The following RASEF variants were observed in gnomAD, a reference collection of about 807,000 sequenced individuals.
RASEF encodes the protein ras and EF-hand domain-containing protein.
Under a neutral mutation model 90.1 loss-of-function variants are expected in RASEF, and 68 were observed. That is an observed-to-expected ratio of 0.75 (90% CI 0.62 to 0.92). The LOEUF (loss-of-function observed/expected upper bound fraction) is 0.92. Among genes scored for constraint, RASEF ranks in the 40% least tolerant of loss-of-function variants. The pLI, the probability that RASEF is intolerant of heterozygous loss-of-function variation, is 0.00. For missense variants in RASEF, 949 were observed against 937.2 expected (o/e 1.01, Z -0.16); for synonymous variants, 331 against 345.2 (o/e 0.96, Z 0.46).
chr9:83,101,475 T>C, the RASEF span, among the ~76,000 whole-genome samples: 1 of 152,320 alleles, frequency 6.6e-6, no homozygotes, highest in South Asian at 2.1e-4. Flanking sequence ...CCACTATGCA[T>C]GAGCAGGTCA....
intron 2 of RASEF, among the ~76,000 whole-genome samples, chr9:83,022,959 C>T (rs370731146): frequency 6.6e-5 from 10 of 152,138 alleles, no homozygotes; most frequent in African/African-American, 2.4e-4. Context: ...GATGTGGTAC[C>T]TGACTATATT....
chr9:83,142,551 T>C, the RASEF span, among the ~76,000 whole-genome samples: 1 of 152,172 alleles, frequency 6.6e-6, no homozygotes, highest in African/African-American at 2.4e-5. Context: ...ATCAATGAAG[T>C]GAGAAGGCCA....
intron 16 of RASEF, among the ~76,000 whole-genome samples, chr9:82,989,249 T>A (rs1368207344): frequency 6.6e-6 from 1 of 152,186 alleles, no homozygotes; most frequent in Non-Finnish European, 1.5e-5. Context: ...TGTGTGTATA[T>A]CTTTTTTTAA....
At chr9:83,158,433 G>A in the RASEF span, among the ~76,000 whole-genome samples, 2 of 151,352 alleles carry the variant, frequency 1.3e-5, no homozygotes, top group African/African-American at 4.9e-5. Context: ...AGGGAGAAAT[G>A]TACTAGAAAT....
At chr9:83,039,433 C>G (rs192371798) in intron 1 of RASEF, among the ~76,000 whole-genome samples, 128 of 152,250 alleles carry the variant, frequency 8.4e-4, no homozygotes, top group African/African-American at 2.8e-3. Flanking sequence ...TCAACGTGAA[C>G]TGATGTGGAG....
At position 82,994,465 on chromosome 9, in the gene RASEF, C is replaced by A. The variant is rs117879281; in HGVS notation, c.1921-1440G>T. ...ACTTCCTTATCGTCAGGCCTTTTAA[C>A]CTGCTCTCGTTTTGTTTGTATAACA... On this transcript the variant is annotated intron_variant, in intron 14 of 16. Coordinates refer to ENST00000376447, the MANE Select transcript of RASEF (RefSeq NM_152573.4). Among the ~76,000 whole-genome samples, 503 of 152,274 alleles carry A rather than the reference C, an allele frequency of 3.3e-3. 10 individuals carry two copies. In the East Asian group the frequency reaches 0.039, roughly 12 times the overall value.
intron 2 of RASEF, among the ~76,000 whole-genome samples, chr9:83,025,086 C>T (rs1277325722): frequency 6.6e-6 from 1 of 151,870 alleles, no homozygotes; most frequent in African/African-American, 2.4e-5. Flanking sequence ...TGGACTGCAA[C>T]ACATATAAAT....
At chr9:83,059,064 G>A (rs1830158265) in intron 1 of RASEF, among the ~76,000 whole-genome samples, 1 of 152,194 alleles carries the variant, frequency 6.6e-6, no homozygotes, top group South Asian at 2.1e-4. Flanking sequence ...GACCCTCAGT[G>A]GTTCCAGTGC....
the RASEF span, among the ~76,000 whole-genome samples, chr9:83,167,900 G>A: frequency 6.6e-6 from 1 of 152,206 alleles, no homozygotes; most frequent in Non-Finnish European, 1.5e-5. Flanking sequence ...ATTTTATTAT[G>A]CACCCACCAG....
the RASEF span, among the ~76,000 whole-genome samples, chr9:83,187,384 C>T: frequency 1.3e-5 from 2 of 152,082 alleles, no homozygotes; most frequent in African/African-American, 4.8e-5. Context: ...TTTGCTCTTC[C>T]CTGCTTTTTT....
At chr9:82,990,777 A>G (rs1401629118) in intron 15 of RASEF, among the ~76,000 whole-genome samples, 2 of 152,172 alleles carry the variant, frequency 1.3e-5, no homozygotes, top group Non-Finnish European at 2.9e-5. Flanking sequence ...ATATTCCGAG[A>G]CAGATAAAAA....
At position 83,007,517 on chromosome 9, in the gene RASEF, T is replaced by C. The variant is rs764481794; in HGVS notation, c.960-12A>G. ...TTATTTCCAGATCCCTGTAAAATTG[T>C]ATTTTATGTTTGAGTGAGAATTAGG... On this transcript the variant is annotated splice_polypyrimidine_tract_variant and intron_variant, in intron 6 of 16. Coordinates refer to ENST00000376447, the MANE Select transcript of RASEF (RefSeq NM_152573.4). The C allele has an allele frequency of 6.2e-7, 1 of 1,604,274 alleles. No homozygotes were observed. The highest frequency in any genetic ancestry group is 8.5e-7 in the Non-Finnish European group (1 of 1,171,112).
At chr9:83,081,058 G>A in the RASEF span, among the ~76,000 whole-genome samples, 1 of 152,186 alleles carries the variant, frequency 6.6e-6, no homozygotes, top group African/African-American at 2.4e-5. Flanking sequence ...GACCTTTCCT[G>A]TATTAGCTCA....
the RASEF span, among the ~76,000 whole-genome samples, chr9:83,104,194 A>G: frequency 3.3e-5 from 5 of 152,218 alleles, no homozygotes; most frequent in African/African-American, 4.8e-5. Context: ...CTTTAGATAT[A>G]TACTAGATTT....
At chr9:83,090,355 AGTTTTATT>A in the RASEF span, among the ~76,000 whole-genome samples, 1 of 151,850 alleles carries the variant, frequency 6.6e-6, no homozygotes, top group Non-Finnish European at 1.5e-5. Flanking sequence ...CCTCCAGGAT[AGTTTTATT>A]GTTTTATTGA....
the RASEF span, among the ~76,000 whole-genome samples, chr9:83,132,216 G>C: frequency 6.6e-6 from 1 of 152,062 alleles, no homozygotes; most frequent in Non-Finnish European, 1.5e-5. Context: ...TACTTGGTGA[G>C]TTGCCATACT....
the RASEF span, among the ~76,000 whole-genome samples, chr9:83,088,361 T>TATAGATGGATGGATAG: frequency 1.2e-4 from 13 of 110,288 alleles, no homozygotes; most frequent in African/African-American, 3.9e-4. Flanking sequence ...TACACAGAGA[T>TATAGATGGATGGATAG]ATAGATAGAT....
At chr9:83,067,474 A>G (rs1409100264), upstream of RASEF, among the ~76,000 whole-genome samples, 1 of 152,238 alleles carries the variant, frequency 6.6e-6, no homozygotes, top group Non-Finnish European at 1.5e-5. Flanking sequence ...TAATTAGCAA[A>G]TGTGAACATC....
chr9:83,083,178 G>C, the RASEF span, among the ~76,000 whole-genome samples: 1 of 152,106 alleles, frequency 6.6e-6, no homozygotes, highest in Non-Finnish European at 1.5e-5. Flanking sequence ...CTGCCCCAGA[G>C]CAGATGAATT....
Sources: allele counts gnomAD v4.1 joint callset (sites outside exome capture counted in the v4.1 genomes callset), GRCh38; gene constraint gnomAD v4.1.1; transcripts MANE v1.5; gene names NCBI Gene and HGNC (gene_info 2026-07-23, HGNC 2026-07-21).